Variants in RBM25 observed in about 807,000 individuals in gnomAD.
The protein encoded by RBM25 is RNA binding motif protein 25.
In RBM25, 19 loss-of-function variants were observed where a neutral mutation model predicts 120.7. The ratio of observed to expected loss-of-function variants is 0.16; its 90% confidence interval spans 0.11 to 0.23. The LOEUF (loss-of-function observed/expected upper bound fraction) is 0.23, where lower values mean the gene tolerates loss of function less well. Ranked by LOEUF, RBM25 falls within the 10% of genes least tolerant of loss-of-function variation. The probability of loss-of-function intolerance (pLI) is 1.00; values close to 1 mark genes in which losing one functional copy is unlikely to be tolerated. For missense variants in RBM25, 605 were observed against 1,041.5 expected (o/e 0.58, Z 5.77); for synonymous variants, 390 against 326.7 (o/e 1.19, Z -2.09).
In RBM25 at chr14:73,123,675, A is replaced by G. The variant is rs1388114524; in HGVS notation, c.*3870A>G. On this transcript the variant is annotated 3_prime_UTR_variant, in exon 19 of 19. Transcript: ENST00000261973. Reference sequence around the variant, plus strand: ...TGAACTTACACTTTTTGATAAACTGATAGATTTTTTGTAATGTGATTATGG... The same window carrying G: ...TGAACTTACACTTTTTGATAAACTGGTAGATTTTTTGTAATGTGATTATGG... The G allele has an allele frequency of 1.3e-5, 2 of 152,166 alleles. No homozygotes were observed. Among genetic ancestry groups the G allele is most frequent in the Non-Finnish European group, 2.9e-5 (2 of 68,022 alleles). The allele number at this position is 152,166 out of a possible 1,614,324, so 9.4% of individuals were successfully genotyped here.
rs33924709 is a variant in RBM25, at chr14:73,115,153, C to CGTGTGTGTGTGTGT, written c.2439+843_2439+856dup. ...ACAAGGATTACTACAGGAACTGATA[C>CGTGTGTGTGTGTGT]GTGTGTGTGTGTGTGTGTGTGTGTG... is the stretch of plus-strand genomic sequence containing the variant. On this transcript the variant is annotated intron_variant, in intron 18 of 18. Coordinates refer to ENST00000261973, the MANE Select transcript of RBM25 (RefSeq NM_021239.3). 2.8e-4 allele frequency among the ~76,000 whole-genome samples: 41 copies of CGTGTGTGTGTGTGT among 146,678 alleles called. 1 individual carries two copies. Among genetic ancestry groups the CGTGTGTGTGTGTGT allele is most frequent in the African/African-American group, 8.5e-4 (34 of 39,810 alleles).
At chr14:73,063,560 G>T (rs1895055978) in intron 1 of RBM25, among the ~76,000 whole-genome samples, 1 of 151,394 alleles carries the variant, frequency 6.6e-6, no homozygotes, top group African/African-American at 2.4e-5. Context: ...AGATAACTCT[G>T]CATTTCTCTC....
At chr14:73,084,513 G>A (rs368011312) in intron 5 of RBM25, among the ~76,000 whole-genome samples, 1 of 152,062 alleles carries the variant, frequency 6.6e-6, no homozygotes, top group African/African-American at 2.4e-5. Context: ...GTCAGTAGTT[G>A]TACTTGATGT....
intron 10 of RBM25, among the ~76,000 whole-genome samples, chr14:73,103,905 G>GTCTCTCTCTCTCTC (rs72346306): frequency 3.3e-5 from 3 of 91,748 alleles, no homozygotes; most frequent in South Asian, 4.6e-4. Flanking sequence ...CTGTCTGTCT[G>GTCTCTCTCTCTCTC]TCTCTCTCTC....
At chr14:73,080,837 TTA>T (rs1491448640) in intron 4 of RBM25, among the ~76,000 whole-genome samples, 3,228 of 150,396 alleles carry the variant, frequency 0.021, 97 homozygotes, top group African/African-American at 0.076. Context: ...TTTTTTTTTT[TTA>T]TTTGAGATGG....
chr14:73,105,044 C>CACACACACACACACACACACAT (rs1237977643), intron 10 of RBM25, among the ~76,000 whole-genome samples: 1 of 149,784 alleles, frequency 6.7e-6, no homozygotes, highest in Non-Finnish European at 1.5e-5. Context: ...TAAATACACA[C>CACACACACACACACACACACAT]ACACACACAC....
At chr14:73,116,443 C>A (rs1896429160) in intron 18 of RBM25, among the ~76,000 whole-genome samples, 1 of 152,166 alleles carries the variant, frequency 6.6e-6, no homozygotes, top group Non-Finnish European at 1.5e-5. Context: ...TGTGTCCAGG[C>A]ATTTTATGGT....
chr14:73,083,573 T>TAATAA (rs1895613040), intron 5 of RBM25, 22 bp downstream of exon 5: 1 of 1,548,778 alleles, frequency 6.5e-7, no homozygotes, highest in Non-Finnish European at 8.7e-7. Context: ...TTTTCCTTAT[T>TAATAA]TGCTGAAATC....
rs148585472 is a variant in RBM25, at chr14:73,088,110, G to A, written c.492G>A (p.Lys164=). 37 of 1,614,176 alleles carry A rather than the reference G, an allele frequency of 2.3e-5. No homozygotes were observed. In the African/African-American group the frequency reaches 4.7e-4, roughly 20 times the overall value. The change falls in exon 6 of 19, where the codon AAG becomes AAA. Residue 164 remains lysine, a synonymous_variant. Transcript: ENST00000261973. The stretch of plus-strand genomic sequence containing the variant: ...AGCTACTCGTTAAAGTTGATGCAAA[G>A]ACAAAGGCACAGCTGGATGAATGGA... ...EKKLLVKVDA[K]TKAQLDEWKA... is the part of the protein sequence containing the mutation.
At chr14:73,067,891 G>T (rs1403290690) in intron 1 of RBM25, among the ~76,000 whole-genome samples, 1 of 151,798 alleles carries the variant, frequency 6.6e-6, no homozygotes, top group Non-Finnish European at 1.5e-5. Flanking sequence ...GAGCCACCGC[G>T]CCCGGCCTGT....
At chr14:73,078,689 C>T (rs1895483536) in intron 4 of RBM25, among the ~76,000 whole-genome samples, 2 of 152,180 alleles carry the variant, frequency 1.3e-5, no homozygotes, top group East Asian at 1.9e-4. Context: ...ACTGCAAACT[C>T]TGCCTCCTGT....
At chr14:73,086,407 C>A (rs1306746990) in intron 5 of RBM25, among the ~76,000 whole-genome samples, 1 of 150,590 alleles carries the variant, frequency 6.6e-6, no homozygotes, top group Non-Finnish European at 1.5e-5. Flanking sequence ...CACTACACTC[C>A]AGCCTGGTGA....
At chr14:73,118,275 A>G (rs34013623) in intron 18 of RBM25, among the ~76,000 whole-genome samples, 2,181 of 152,208 alleles carry the variant, frequency 0.014, 32 homozygotes, top group Middle Eastern at 0.024. Context: ...CAGGAGTTTG[A>G]GACCAGCCTG....
chr14:73,110,854 C>T lies in RBM25; in HGVS notation c.1716C>T (p.Arg572=), dbSNP rs992197412. The T allele has an allele frequency of 3.1e-6, 5 of 1,610,892 alleles. No homozygotes were observed. In the African/African-American group the frequency reaches 4.0e-5, roughly 13 times the overall value. Residue 572 remains arginine, a synonymous_variant, in exon 15 of 19, where the codon CGC becomes CGT. Transcript: ENST00000261973. ...LQRMEQEAER[R]RQPQIKQEPE... is the part of the protein sequence containing the mutation. Reference sequence around the variant, plus strand: ...AGATGGAACAAGAGGCTGAGAGGCGCAGGCAGCCACAAATAAAGCAAGAGC... The same window carrying T: ...AGATGGAACAAGAGGCTGAGAGGCGTAGGCAGCCACAAATAAAGCAAGAGC...
chr14:73,076,354 G>A lies in RBM25; in HGVS notation c.142G>A (p.Ala48Thr). The A allele has an allele frequency of 1.2e-6, 2 of 1,612,146 alleles. No homozygotes were observed. Among genetic ancestry groups the A allele is most frequent in the Non-Finnish European group, 1.7e-6 (2 of 1,178,324 alleles). Residue 48 changes from alanine (A) to threonine (T), a missense_variant, in exon 3 of 19, where the codon GCT (alanine) becomes ACT (threonine). By Grantham distance (58) the Ala-to-Thr change is moderately conservative. This residue lies in a region of RBM25 where 90 missense variants were observed against 107.3 expected (regional missense o/e 0.84). Coordinates refer to ENST00000261973, the MANE Select transcript of RBM25 (RefSeq NM_021239.3). ...PMIPVPMSIM[A>T]PAPTVLVPTV... Reference sequence around the variant, plus strand: ...GATTCCTGTACCAATGAGCATTATGGCTCCTGCTCCAACTGTAAGTATAAC... The same window carrying A: ...GATTCCTGTACCAATGAGCATTATGACTCCTGCTCCAACTGTAAGTATAAC...
chr14:73,080,470 G>A (rs111867549), intron 4 of RBM25, among the ~76,000 whole-genome samples: 2 of 151,998 alleles, frequency 1.3e-5, no homozygotes, highest in African/African-American at 4.8e-5. Flanking sequence ...TGATCTGCCC[G>A]CTTTGGCCTC....
At position 73,121,979 on chromosome 14, in the gene RBM25, C is replaced by T. The variant is rs368468010; in HGVS notation, c.*2174C>T. Reference sequence around the variant, plus strand: ...AGTAAATGTGGTAGAAACTGTTAATCGCTTAATGCCAGTTTAAATCATGTT... The same window carrying T: ...AGTAAATGTGGTAGAAACTGTTAATTGCTTAATGCCAGTTTAAATCATGTT... On this transcript the variant is annotated 3_prime_UTR_variant, in exon 19 of 19. Transcript: ENST00000261973. 2 of 152,156 alleles carry T rather than the reference C, an allele frequency of 1.3e-5. No homozygotes were observed. Among genetic ancestry groups the T allele is most frequent in the South Asian group, 2.1e-4 (1 of 4,828 alleles). The allele number at this position is 152,156 out of a possible 1,614,324, so 9.4% of individuals were successfully genotyped here. A position where few individuals can be genotyped will look rare whatever the true frequency, so the allele number is the denominator to read the frequency against.
At chr14:73,107,559 C>T in intron 12 of RBM25, 1 of 333,500 alleles carries the variant, frequency 3.0e-6, no homozygotes, top group South Asian at 4.2e-5. Flanking sequence ...GTTTCCCAGG[C>T]TAGCCCAACA....
intron 6 of RBM25, among the ~76,000 whole-genome samples, chr14:73,090,790 T>A (rs979571218): frequency 1.3e-5 from 2 of 152,212 alleles, no homozygotes; most frequent in Non-Finnish European, 2.9e-5. Context: ...CTCCACAGCA[T>A]CTAGGACAGT....
Sources: gnomAD v4.1 joint callset for allele counts (sites outside exome capture counted in the v4.1 genomes callset) on GRCh38, gnomAD v4.1.1 for gene constraint, gnomAD v4.1.1 regional missense constraint, MANE v1.5 for transcripts, NCBI Gene and HGNC (gene_info 2026-07-23, HGNC 2026-07-21) for gene names.